CWC22: variants seen among roughly 807,000 people sequenced by gnomAD.
CWC22 encodes pre-mRNA-splicing factor CWC22 homolog.
Under a neutral mutation model 117.2 loss-of-function variants are expected in CWC22, and 53 were observed. The observed-to-expected ratio is 0.45, with a 90% CI of 0.36 to 0.57. The LOEUF (loss-of-function observed/expected upper bound fraction) is 0.57, where lower values mean the gene tolerates loss of function less well. Among genes scored for constraint, CWC22 ranks in the 20% least tolerant of loss-of-function variants. The pLI is 0.00. For missense variants in CWC22, 980 were observed against 1,068.8 expected (o/e 0.92, Z 1.16); for synonymous variants, 360 against 355.6 (o/e 1.01, Z -0.14).
At chr2:179,993,231 C>T (rs2105555411) in intron 2 of CWC22, 84 bp downstream of exon 2, 1 of 1,037,378 alleles carries the variant, frequency 9.6e-7, no homozygotes, top group Non-Finnish European at 1.5e-6. Context: ...CTCTGATGTC[C>T]TAATTACATA....
chr2:179,994,586 T>C (rs529129755), intron 1 of CWC22, among the ~76,000 whole-genome samples: 35 of 152,304 alleles, frequency 2.3e-4, no homozygotes, highest in African/African-American at 7.2e-4. Flanking sequence ...TACGAATTAC[T>C]AAGTCAAGAA....
chr2:179,946,748 G>A (rs1010003574), intron 19 of CWC22, among the ~76,000 whole-genome samples: 3 of 152,154 alleles, frequency 2.0e-5, no homozygotes, highest in African/African-American at 4.8e-5. Context: ...AGGAGGAGTA[G>A]AACAACTGGG....
chr2:179,964,226 T>G (rs1028281720), intron 13 of CWC22, among the ~76,000 whole-genome samples: 1 of 152,234 alleles, frequency 6.6e-6, no homozygotes, highest in Admixed American at 6.5e-5. Context: ...CATTATAAAA[T>G]TAGGTACTCT....
At chr2:179,993,725 T>A (rs1176668077) in intron 1 of CWC22, among the ~76,000 whole-genome samples, 1 of 152,116 alleles carries the variant, frequency 6.6e-6, no homozygotes, top group Non-Finnish European at 1.5e-5. Context: ...AGGGATGTCC[T>A]ATAACTTTAT....
intron 1 of CWC22, among the ~76,000 whole-genome samples, chr2:179,994,120 C>G (rs1408380434): frequency 6.6e-6 from 1 of 152,086 alleles, no homozygotes; most frequent in Non-Finnish European, 1.5e-5. Flanking sequence ...GCAATTTCTG[C>G]AAGATGCTAA....
intron 1 of CWC22, among the ~76,000 whole-genome samples, chr2:180,001,097 C>T (rs2105565371): frequency 6.6e-6 from 1 of 152,226 alleles, no homozygotes; most frequent in African/African-American, 2.4e-5. Context: ...TTGTTAGTTT[C>T]AACATTTCAA....
intron 1 of CWC22, among the ~76,000 whole-genome samples, chr2:179,997,079 C>T (rs1459297255): frequency 6.6e-6 from 1 of 151,948 alleles, no homozygotes; most frequent in South Asian, 2.1e-4. Flanking sequence ...TCAGGAAATA[C>T]AAGATACTGT....
intron 3 of CWC22, among the ~76,000 whole-genome samples, chr2:179,988,346 A>G (rs1317316124): frequency 1.3e-5 from 2 of 152,204 alleles, no homozygotes; most frequent in Admixed American, 1.3e-4. Context: ...TGAAACATTA[A>G]AAATTACTCC....
chr2:179,979,275 A>G (rs1687228830), intron 5 of CWC22, among the ~76,000 whole-genome samples: 2 of 27,194 alleles, frequency 7.4e-5, no homozygotes, highest in Non-Finnish European at 1.3e-4. Flanking sequence ...GTGCTTCATA[A>G]CACATTAAAC....
chr2:179,978,241 T>C lies in CWC22; in HGVS notation c.530A>G (p.Asn177Ser). The change falls in exon 6 of 20, where the codon AAC becomes AGC. Residue 177 changes from asparagine to serine, a missense_variant. Asn to Ser is a conservative substitution (Grantham distance 46). Coordinates refer to ENST00000410053, the MANE Select transcript of CWC22 (RefSeq NM_020943.3). ...NGLINKVNIS[N>S]ISIIIQELLQ... is the part of the protein sequence containing the mutation. ...AAGCTCTTGAATAATAATACTTATG[T>C]TGGAAATGTTGACTTTGTTGATAAG... 6.3e-7 allele frequency: 1 copy of C among 1,575,208 alleles called. No homozygotes were observed. Among genetic ancestry groups the C allele is most frequent in the Non-Finnish European group, 8.6e-7 (1 of 1,162,488 alleles).
chr2:179,970,565 TA>T lies in CWC22; in HGVS notation c.1148-3del, dbSNP rs762223514. ...AATTAGGATCCATCTTGAAAACATC[TA>T]AAAAAAATGTAAAAGTTAATGTTTA... On this transcript the variant is annotated splice_region_variant and splice_polypyrimidine_tract_variant and intron_variant, in intron 10 of 19. Transcript: ENST00000410053. The T allele has an allele frequency of 6.4e-5, 99 of 1,548,700 alleles. No individual in the cohort carries two copies. The highest frequency in any genetic ancestry group is 8.0e-5 in the Non-Finnish European group (92 of 1,145,246).
Position 179,952,459 on chromosome 2 carries a change from T to C in CWC22, c.1817+12A>G, listed in dbSNP as rs370599820. Reference sequence around the variant, plus strand: ...GTCAATAAGAATAAAAAGTGCTTAATGGCAAACTTACTCATCCTTTAATCT... The same window carrying C: ...GTCAATAAGAATAAAAAGTGCTTAACGGCAAACTTACTCATCCTTTAATCT... On this transcript the variant is annotated intron_variant, in intron 17 of 19. Coordinates refer to ENST00000410053, the MANE Select transcript of CWC22 (RefSeq NM_020943.3). The C allele has an allele frequency of 3.2e-6, 5 of 1,554,002 alleles. No individual in the cohort carries two copies. In the African/African-American group the frequency reaches 6.9e-5, roughly 21 times the overall value.
Position 179,947,001 on chromosome 2 carries a change from A to G in CWC22, c.2141-1286T>C, listed in dbSNP as rs141648209. Among the ~76,000 whole-genome samples, 144 of 152,364 alleles carry G rather than the reference A, an allele frequency of 9.5e-4. 2 individuals carry two copies. In the South Asian group the frequency reaches 0.019, roughly 21 times the overall value. On this transcript the variant is annotated intron_variant, in intron 19 of 19. Coordinates refer to ENST00000410053, the MANE Select transcript of CWC22 (RefSeq NM_020943.3). Reference sequence around the variant, plus strand: ...TCACAACTATAAATACAAAATGGTTATACTGAAATAACCACTTTAAGCAAT... The same window carrying G: ...TCACAACTATAAATACAAAATGGTTGTACTGAAATAACCACTTTAAGCAAT...
chr2:179,945,749 AT>A (rs753263801), intron 19 of CWC22, 34 bp from the exon 20 acceptor site: 1 of 1,240,384 alleles, frequency 8.1e-7, no homozygotes, highest in Non-Finnish European at 1.1e-6. Context: ...GTTAGCTTTT[AT>A]TTCAATCTTA....
chr2:179,977,056 T>C (rs1310247095), intron 6 of CWC22, among the ~76,000 whole-genome samples: 1 of 152,088 alleles, frequency 6.6e-6, no homozygotes, highest in Non-Finnish European at 1.5e-5. Flanking sequence ...CTTAGGATGC[T>C]GAGGTGAGAG....
At chr2:179,988,187 C>A (rs907467228) in intron 3 of CWC22, among the ~76,000 whole-genome samples, 9 of 152,068 alleles carry the variant, frequency 5.9e-5, no homozygotes, top group East Asian at 1.9e-4. Context: ...GGGTTGGGGA[C>A]CCCTGTTATA....
chr2:179,980,334 C>T (rs1203144777), intron 5 of CWC22, among the ~76,000 whole-genome samples: 1 of 152,026 alleles, frequency 6.6e-6, no homozygotes, highest in African/African-American at 2.4e-5. Context: ...AATTTAATGT[C>T]ACCAAATACC....
At chr2:179,964,501 C>G in intron 13 of CWC22, 46 bp downstream of exon 13, 1 of 1,016,052 alleles carries the variant, frequency 9.8e-7, no homozygotes, top group Non-Finnish European at 1.5e-6. Context: ...TTTACCCATC[C>G]CTTATCAAAA....
At chr2:179,994,070 A>G (rs770234608) in intron 1 of CWC22, among the ~76,000 whole-genome samples, 38 of 152,336 alleles carry the variant, frequency 2.5e-4, no homozygotes, top group Admixed American at 5.2e-4. Context: ...CATTAAATCT[A>G]AAATCTTCAG....
Sources: allele counts gnomAD v4.1 joint callset (sites outside exome capture counted in the v4.1 genomes callset), GRCh38; gene constraint gnomAD v4.1.1; transcripts MANE v1.5; gene names NCBI Gene and HGNC (gene_info 2026-07-23, HGNC 2026-07-21).